Variants in RIC1 observed in about 807,000 individuals in gnomAD.
RIC1 encodes the protein guanine nucleotide exchange factor subunit RIC1.
RIC1 carries 88 observed loss-of-function variants against 169.0 expected under a neutral mutation model. The observed-to-expected ratio is 0.52, with a 90% confidence interval of 0.44 to 0.62. RIC1 has a LOEUF of 0.62. Ranked by LOEUF, RIC1 falls within the 20% of genes least tolerant of loss-of-function variation. RIC1 has a pLI of 0.00. For synonymous variants in RIC1, 790 were observed against 601.5 expected (o/e 1.31, Z -4.59); for missense variants, 1,877 against 1,725.5 (o/e 1.09, Z -1.56).
intron 3 of RIC1, among the ~76,000 whole-genome samples, chr9:5,691,270 C>T (rs962060938): frequency 2.0e-5 from 3 of 151,896 alleles, no homozygotes; most frequent in African/African-American, 7.2e-5. Context: ...CGCAAGTCAT[C>T]TAAAGACAAA....
intron 3 of RIC1, among the ~76,000 whole-genome samples, chr9:5,706,484 C>G (rs1272995028): frequency 6.6e-6 from 1 of 152,042 alleles, no homozygotes; most frequent in Non-Finnish European, 1.5e-5. Flanking sequence ...GTGTTCCCTC[C>G]TCTTACCTAT....
At chr9:5,757,207 T>G (rs1826063083) in intron 16 of RIC1, 106 bp from the exon 17 acceptor site, 3 of 1,297,242 alleles carry the variant, frequency 2.3e-6, no homozygotes. Flanking sequence ...TAGTAAGACA[T>G]CTGAGTCTTC....
At chr9:5,743,642 T>C (rs1214337845) in intron 9 of RIC1, 47 bp from the exon 10 acceptor site, 1 of 1,413,718 alleles carries the variant, frequency 7.1e-7, no homozygotes, top group Non-Finnish European at 9.8e-7. Context: ...ATGTGTATTA[T>C]ATGTAATTGG....
chr9:5,703,562 T>C (rs1315204641), intron 3 of RIC1, among the ~76,000 whole-genome samples: 2 of 152,228 alleles, frequency 1.3e-5, no homozygotes, highest in Admixed American at 6.5e-5. Flanking sequence ...GGATACACTA[T>C]ATAAATATAA....
intron 6 of RIC1, among the ~76,000 whole-genome samples, chr9:5,726,418 C>G (rs996227888): frequency 3.3e-5 from 5 of 152,166 alleles, no homozygotes; most frequent in Non-Finnish European, 5.9e-5. Flanking sequence ...TGATCTTCCT[C>G]CATCCCTTTA....
At chr9:5,719,550 G>A (rs1416209131) in intron 4 of RIC1, 2 of 152,258 alleles carry the variant, frequency 1.3e-5, no homozygotes, top group Admixed American at 1.3e-4. Flanking sequence ...TGAACAATGT[G>A]AGACTTGCTA....
At chr9:5,631,090 A>C (rs1237651662) in intron 1 of RIC1, among the ~76,000 whole-genome samples, 1 of 152,240 alleles carries the variant, frequency 6.6e-6, no homozygotes, top group East Asian at 1.9e-4. Context: ...AAACCACTTT[A>C]TTCCCCCATA....
chr9:5,776,396 G>C lies in RIC1; in HGVS notation c.*2150G>C, dbSNP rs1490587465. 6.6e-6 allele frequency: 1 copy of C among 151,914 alleles called. No individual in the cohort carries two copies. The highest frequency in any genetic ancestry group is 1.5e-5 in the Non-Finnish European group (1 of 67,958). The allele number at this position is 151,914 out of a possible 1,614,324, so 9.4% of individuals were successfully genotyped here. ...TTAAATATTCAGTATAACTATTTGA[G>C]GTTTACTAGATGCATTTATTAATAA... On this transcript the variant is annotated 3_prime_UTR_variant, in exon 26 of 26. Coordinates refer to ENST00000414202, the MANE Select transcript of RIC1 (RefSeq NM_020829.4).
chr9:5,702,443 C>T (rs972715200), intron 3 of RIC1, among the ~76,000 whole-genome samples: 1 of 152,216 alleles, frequency 6.6e-6, no homozygotes, highest in Non-Finnish European at 1.5e-5. Context: ...GGGAAGCAGG[C>T]ACCTCTTACA....
intron 1 of RIC1, among the ~76,000 whole-genome samples, chr9:5,633,590 G>C (rs13291643): frequency 0.13 from 19,999 of 152,018 alleles, 2,167 homozygotes; most frequent in African/African-American, 0.3. Flanking sequence ...GCTTTGTTGA[G>C]GTATAATTGA....
chr9:5,641,096 CT>C (rs34921771), intron 1 of RIC1, among the ~76,000 whole-genome samples: 2,583 of 138,348 alleles, frequency 0.019, 45 homozygotes, highest in African/African-American at 0.048. Flanking sequence ...AGGTAGTCTT[CT>C]TTTTTTTTTT....
intron 4 of RIC1, among the ~76,000 whole-genome samples, chr9:5,716,446 C>G (rs1041833956): frequency 1.6e-4 from 24 of 152,070 alleles, no homozygotes; most frequent in African/African-American, 5.6e-4. Context: ...AACCCTGTCT[C>G]TACTAAAAAT....
At chr9:5,693,119 T>G (rs552248742) in intron 3 of RIC1, among the ~76,000 whole-genome samples, 2 of 152,218 alleles carry the variant, frequency 1.3e-5, no homozygotes, top group East Asian at 3.9e-4. Flanking sequence ...AGAAATGATC[T>G]GGAGTGGTTT....
intron 1 of RIC1, among the ~76,000 whole-genome samples, chr9:5,647,991 GGTA>G (rs1199073556): frequency 5.3e-4 from 64 of 121,050 alleles, no homozygotes; most frequent in Middle Eastern, 4.3e-3. Flanking sequence ...TGGTGGTGGT[GGTA>G]GTGGTAGTGG....
At chr9:5,742,731 C>G in intron 8 of RIC1, 138 bp from the exon 9 acceptor site, 1 of 757,578 alleles carries the variant, frequency 1.3e-6, no homozygotes, top group South Asian at 1.9e-5. Flanking sequence ...CCTAAATGAC[C>G]AGGATTTATT....
rs2131073913 is a variant in RIC1 at position 5,759,398 on chromosome 9, T to G, written c.1992+1947T>G. 2.0e-5 allele frequency among the ~76,000 whole-genome samples: 3 copies of G among 152,308 alleles called. No individual in the cohort carries two copies. The Middle Eastern group carries it at 0.01, about 518-fold the overall frequency. ...GGGAGCAGAATACAAGACATTCTGTTGGACAGCTACAAGTCACTAACATGG... is the reference window on the plus strand; with the variant it reads ...GGGAGCAGAATACAAGACATTCTGTGGGACAGCTACAAGTCACTAACATGG... On this transcript the variant is annotated intron_variant, in intron 17 of 25. Transcript: ENST00000414202.
At chr9:5,734,056 A>T (rs971736523) in intron 7 of RIC1, among the ~76,000 whole-genome samples, 17 of 147,114 alleles carry the variant, frequency 1.2e-4, no homozygotes, top group Middle Eastern at 3.6e-3. Context: ...ATATATATTT[A>T]AATATTATAA....
At chr9:5,671,722 C>T (rs749202524) in intron 2 of RIC1, among the ~76,000 whole-genome samples, 12 of 152,150 alleles carry the variant, frequency 7.9e-5, no homozygotes, top group Admixed American at 7.2e-4. Flanking sequence ...AGCCCCCATT[C>T]CTAACTCCTC....
At chr9:5,677,718 C>A (rs1820536623) in intron 2 of RIC1, among the ~76,000 whole-genome samples, 3 of 151,702 alleles carry the variant, frequency 2.0e-5, no homozygotes, top group African/African-American at 2.4e-5. Flanking sequence ...CATTAAAACA[C>A]AGGAAAAGAA....
Sources: gnomAD v4.1 joint callset for allele counts (sites outside exome capture counted in the v4.1 genomes callset) on GRCh38, gnomAD v4.1.1 for gene constraint, MANE v1.5 for transcripts, NCBI Gene and HGNC (gene_info 2026-07-23, HGNC 2026-07-21) for gene names.